Variants in XXYLT1 observed in about 807,000 individuals in gnomAD.
XXYLT1 encodes xyloside xylosyltransferase 1.
A neutral mutation model predicts 28.9 loss-of-function variants in XXYLT1; 20 were observed. That is an observed-to-expected ratio of 0.69 (90% CI 0.49 to 1.00). The LOEUF (loss-of-function observed/expected upper bound fraction) is 1.00, where lower values mean the gene tolerates loss of function less well. XXYLT1 is among the 50% of genes least tolerant of loss of function. XXYLT1 has a pLI of 0.00. For missense variants in XXYLT1, 542 were observed against 560.1 expected (o/e 0.97, Z 0.33); for synonymous variants, 257 against 253.8 (o/e 1.01, Z -0.12).
At position 195,150,428 on chromosome 3, in the gene XXYLT1, C is replaced by T. The variant is rs967680479; in HGVS notation, c.785+6021G>A. Among the ~76,000 whole-genome samples, 7 of 152,224 alleles carry T rather than the reference C, an allele frequency of 4.6e-5. No homozygotes were observed. The highest frequency in any genetic ancestry group is 1.0e-4 in the Non-Finnish European group (7 of 68,044). On this transcript the variant is annotated intron_variant, in intron 3 of 3. Transcript: ENST00000310380. This position sits in a 1 kb window ranked among gnomAD's most constrained non-coding sequence, Gnocchi z 4.7. Reference sequence around the variant, plus strand: ...AGTCCTTGGAGTGGGATGACGCAGCCTGCAGAGAAGCTTTCCTTCCGAGCG... The same window carrying T: ...AGTCCTTGGAGTGGGATGACGCAGCTTGCAGAGAAGCTTTCCTTCCGAGCG...
intron 3 of XXYLT1, among the ~76,000 whole-genome samples, chr3:195,087,784 C>T (rs1268053498): frequency 3.3e-5 from 5 of 152,142 alleles, no homozygotes; most frequent in African/African-American, 7.2e-5. Flanking sequence ...GTTCATCTCA[C>T]TAGGGAGTGC....
At chr3:195,149,606 G>A (rs1328504869) in intron 3 of XXYLT1, among the ~76,000 whole-genome samples, 1 of 152,180 alleles carries the variant, frequency 6.6e-6, no homozygotes, top group Non-Finnish European at 1.5e-5. Flanking sequence ...CCCTGTCCTC[G>A]TCCCTTCCTC....
chr3:195,261,580 C>G (rs541256911), intron 1 of XXYLT1, among the ~76,000 whole-genome samples: 9 of 152,328 alleles, frequency 5.9e-5, no homozygotes, highest in African/African-American at 2.2e-4. Context: ...CATCAGTGTA[C>G]ACGTCAGAAA....
chr3:195,250,284 C>T (rs750324391), intron 1 of XXYLT1, among the ~76,000 whole-genome samples: 4 of 152,190 alleles, frequency 2.6e-5, no homozygotes, highest in Admixed American at 1.3e-4. Context: ...TGCAACTGGC[C>T]GGGCGTGTTG....
intron 2 of XXYLT1, chr3:195,214,903 G>A (rs1302031855): frequency 1.3e-5 from 2 of 152,162 alleles, no homozygotes; most frequent in African/African-American, 2.4e-5. Context: ...TGGAAAAAAT[G>A]TTAAGGGCAG....
chr3:195,108,421 T>C (rs948913551), intron 3 of XXYLT1, among the ~76,000 whole-genome samples: 1 of 152,244 alleles, frequency 6.6e-6, no homozygotes, highest in Admixed American at 6.5e-5. Context: ...AGAAAATTGA[T>C]TTCCTGTCTG....
At chr3:195,205,379 G>T (rs928338635) in intron 2 of XXYLT1, among the ~76,000 whole-genome samples, 1 of 152,154 alleles carries the variant, frequency 6.6e-6, no homozygotes, top group Non-Finnish European at 1.5e-5. Context: ...ACCTCTTGAG[G>T]ATTATGTTGA....
chr3:195,237,462 C>G (rs1329440405), intron 1 of XXYLT1, among the ~76,000 whole-genome samples: 1 of 152,104 alleles, frequency 6.6e-6, no homozygotes, highest in Non-Finnish European at 1.5e-5. Flanking sequence ...GACTGTCTTT[C>G]CTACCCTCTG....
At chr3:195,116,882 G>A (rs1019383397) in intron 3 of XXYLT1, among the ~76,000 whole-genome samples, 2 of 152,068 alleles carry the variant, frequency 1.3e-5, no homozygotes. Flanking sequence ...AATCCAGATG[G>A]CAGATAATCC....
chr3:195,175,782 A>G, intron 2 of XXYLT1: 1 of 1,497,130 alleles, frequency 6.7e-7, no homozygotes, highest in Non-Finnish European at 8.9e-7. Flanking sequence ...TGGAAGCCAC[A>G]TGCTCCAGAT....
At chr3:195,260,586 G>A (rs556035073) in intron 1 of XXYLT1, among the ~76,000 whole-genome samples, 1 of 152,334 alleles carries the variant, frequency 6.6e-6, no homozygotes, top group East Asian at 1.9e-4. Context: ...AAGCCCCCTA[G>A]GATAGGTGAA....
At chr3:195,086,545 C>T (rs1336158677) in intron 3 of XXYLT1, among the ~76,000 whole-genome samples, 1 of 152,104 alleles carries the variant, frequency 6.6e-6, no homozygotes, top group East Asian at 1.9e-4. Flanking sequence ...AGAGGCCTGA[C>T]TATGAGCCAG....
intron 3 of XXYLT1, among the ~76,000 whole-genome samples, chr3:195,082,196 G>A (rs1294876572): frequency 6.6e-6 from 1 of 152,256 alleles, no homozygotes; most frequent in Non-Finnish European, 1.5e-5. Context: ...TGCTGTGTGT[G>A]TCAAGGGTGG....
intron 1 of XXYLT1, among the ~76,000 whole-genome samples, chr3:195,236,421 C>T (rs1235998817): frequency 1.3e-5 from 2 of 152,098 alleles, no homozygotes; most frequent in African/African-American, 4.8e-5. Context: ...CACCAATGTT[C>T]ACTTAATGCC....
At chr3:195,175,742 G>A (rs1721634043) in intron 2 of XXYLT1, 3 of 1,534,134 alleles carry the variant, frequency 2.0e-6, no homozygotes, top group Non-Finnish European at 2.6e-6. Context: ...GCAGTGAGAA[G>A]CCACTGCAGG....
chr3:195,247,631 T>C (rs991213312), intron 1 of XXYLT1: 5 of 545,432 alleles, frequency 9.2e-6, no homozygotes, highest in Admixed American at 3.2e-5. Flanking sequence ...GGGAGAGCCA[T>C]GATCCCCAGA....
chr3:195,101,968 C>G (rs771410164), intron 3 of XXYLT1, among the ~76,000 whole-genome samples: 48 of 14,798 alleles, frequency 3.2e-3, no homozygotes, highest in African/African-American at 3.9e-3. Flanking sequence ...GGGGAGGGGA[C>G]GGGGGAGGGA....
At position 195,163,141 on chromosome 3, in the gene XXYLT1, T is replaced by C. The variant is rs554697127; in HGVS notation, c.653-6560A>G. On this transcript the variant is annotated intron_variant, in intron 2 of 3. Transcript: ENST00000310380. ...TCAGAGACCCCTGGGGGAGAAGCTG[T>C]AGAAAGCAATCCTTTTTGGATAGAA... is the stretch of plus-strand genomic sequence containing the variant. Among the ~76,000 whole-genome samples the C allele has an allele frequency of 4.6e-5, 7 of 152,356 alleles. No homozygotes were observed. The East Asian group carries it at 1.3e-3, about 29-fold the overall frequency.
At chr3:195,086,791 T>C (rs1715753704) in intron 3 of XXYLT1, among the ~76,000 whole-genome samples, 2 of 151,808 alleles carry the variant, frequency 1.3e-5, no homozygotes, top group African/African-American at 4.8e-5. Context: ...ACTTAGCAGG[T>C]GTATGACTAG....
Sources: gnomAD v4.1 joint callset for allele counts (sites outside exome capture counted in the v4.1 genomes callset) on GRCh38, gnomAD v4.1.1 for gene constraint, Gnocchi (gnomAD v3.1) non-coding constraint, MANE v1.5 for transcripts, NCBI Gene and HGNC (gene_info 2026-07-23, HGNC 2026-07-21) for gene names.